Variants in OVCH1 observed in about 807,000 individuals in gnomAD.
The protein encoded by OVCH1 is ovochymase-1.
OVCH1 carries 139 observed loss-of-function variants against 138.4 expected under a neutral mutation model. The ratio of observed to expected loss-of-function variants is 1.00; its 90% confidence interval spans 0.87 to 1.16. The LOEUF (loss-of-function observed/expected upper bound fraction) is 1.16. OVCH1 is among the 50% of genes most tolerant of loss of function. OVCH1 has a pLI of 0.00. For missense variants in OVCH1, 1,367 were observed against 1,357.9 expected (o/e 1.01, Z -0.11); for synonymous variants, 453 against 467.8 (o/e 0.97, Z 0.41).
intron 15 of OVCH1, 99 bp downstream of exon 15, chr12:29,472,930 T>A: frequency 2.0e-6 from 2 of 1,006,508 alleles, no homozygotes; most frequent in Non-Finnish European, 2.9e-6. Flanking sequence ...TTCTTCACTG[T>A]GGAGTTATAG....
chr12:29,405,021 C>CAAAAAAAAAAAAAAAAAAAAAAAAAAAA, the OVCH1 span, among the ~76,000 whole-genome samples: 2 of 80,438 alleles, frequency 2.5e-5, no homozygotes, highest in Non-Finnish European at 4.3e-5. Flanking sequence ...CACTCCACCT[C>CAAAAAAAAAAAAAAAAAAAAAAAAAAAA]AAAAAAAAAA....
At chr12:29,492,386 C>T (rs564726017) in intron 4 of OVCH1, among the ~76,000 whole-genome samples, 1 of 151,602 alleles carries the variant, frequency 6.6e-6, no homozygotes, top group East Asian at 1.9e-4. Context: ...GAGGGTATGT[C>T]AGATAATAAT....
At chr12:29,413,631 A>G (rs959079703) in intron 3 of OVCH1, among the ~76,000 whole-genome samples, 20 of 151,272 alleles carry the variant, frequency 1.3e-4, no homozygotes, top group African/African-American at 4.4e-4. Context: ...TATATAAACA[A>G]TGTGCATTTA....
At chr12:29,477,722 G>T in intron 9 of OVCH1, 2 of 951,422 alleles carry the variant, frequency 2.1e-6, no homozygotes, top group Non-Finnish European at 3.1e-6. Context: ...TCAAAATTCA[G>T]CTCTCTGATA....
At position 29,462,028 on chromosome 12, in the gene OVCH1, A is replaced by C. The variant is rs1261983462; in HGVS notation, c.2126-20T>G. 6.2e-7 allele frequency: 1 copy of C among 1,606,632 alleles called. No individual in the cohort carries two copies. The highest frequency in any genetic ancestry group is 1.3e-5 in the African/African-American group (1 of 74,672). The stretch of plus-strand genomic sequence containing the variant: ...CACCATCTAATGAAGAAACATTCAG[A>C]GAGAGCTCGATGATGAAGTAAGCAG... On this transcript the variant is annotated intron_variant, in intron 18 of 27. Coordinates refer to ENST00000318184, the Ensembl canonical transcript of OVCH1.
At chr12:29,464,423 C>G (rs748857689) in intron 18 of OVCH1, 84 bp downstream of exon 18, 3 of 1,379,492 alleles carry the variant, frequency 2.2e-6, no homozygotes, top group Non-Finnish European at 3.0e-6. Context: ...GGGGCTGAAG[C>G]GGATGCTGCT....
At chr12:29,475,605 T>G (rs770272493) in intron 13 of OVCH1, among the ~76,000 whole-genome samples, 1 of 152,178 alleles carries the variant, frequency 6.6e-6, no homozygotes, top group African/African-American at 2.4e-5. Context: ...TGCAGAATTA[T>G]GGCATTGTGC....
At chr12:29,496,199 C>T in exon 3 of OVCH1, 1 of 1,607,944 alleles carries the variant, frequency 6.2e-7, no homozygotes. Flanking sequence ...GCTGTCCAGG[C>T]AGTGTGCTGC....
intron 26 of OVCH1, among the ~76,000 whole-genome samples, chr12:29,437,358 G>A (rs2135911358): frequency 6.6e-6 from 1 of 152,180 alleles, no homozygotes; most frequent in Non-Finnish European, 1.5e-5. Flanking sequence ...CTTATTTATT[G>A]TACTTAATAA....
At chr12:29,489,520 G>A in intron 6 of OVCH1, 100 bp downstream of exon 6, 2 of 1,299,176 alleles carry the variant, frequency 1.5e-6, no homozygotes, top group Non-Finnish European at 2.0e-6. Context: ...AAAGAATTTT[G>A]ACACAGTAAT....
At position 29,486,105 on chromosome 12, in the gene OVCH1, G is replaced by A. The variant is rs556039894; in HGVS notation, c.995+141C>T. On this transcript the variant is annotated intron_variant, in intron 8 of 27. Transcript: ENST00000318184. ...TCAGGTTTTAAATGTTGGAGCCTAT[G>A]TATGAATATGAGCAGGGCTTTTAAA... 4.0e-4 allele frequency: 292 copies of A among 736,968 alleles called. 4 individuals carry two copies. The South Asian group carries it at 4.9e-3, about 12-fold the overall frequency. The allele number at this position is 736,968 out of a possible 1,614,324, so 45.7% of individuals were successfully genotyped here.
chr12:29,458,013 G>GGCTAGAAGGCAAATCAATGTGGCT (rs1202269477), intron 19 of OVCH1, among the ~76,000 whole-genome samples: 3 of 152,150 alleles, frequency 2.0e-5, no homozygotes, highest in Admixed American at 6.5e-5. Context: ...TCAGTTGGAA[G>GGCTAGAAGGCAAATCAATGTGGCT]GCTAGAAGGC....
chr12:29,451,163 AATC>A (rs1023289727), intron 22 of OVCH1, among the ~76,000 whole-genome samples, 179 bp downstream of exon 22: 35 of 147,574 alleles, frequency 2.4e-4, no homozygotes, highest in Middle Eastern at 3.4e-3. Flanking sequence ...CTTAAAGTAT[AATC>A]ATAATAATAA....
downstream of OVCH1, among the ~76,000 whole-genome samples, chr12:29,424,846 A>G (rs1286810531): frequency 1.3e-5 from 2 of 152,236 alleles, no homozygotes. Context: ...TGGTATTTAC[A>G]AAGTATTATA....
chr12:29,496,330 A>C, intron 2 of OVCH1, 52 bp from the exon 3 acceptor site: 1 of 1,411,924 alleles, frequency 7.1e-7, no homozygotes, highest in Admixed American at 2.0e-5. Context: ...CCACATATGT[A>C]TCTCCATCGG....
intron 16 of OVCH1, among the ~76,000 whole-genome samples, chr12:29,469,132 A>G (rs1429277918): frequency 6.6e-6 from 1 of 152,186 alleles, no homozygotes; most frequent in Admixed American, 6.5e-5. Context: ...TTGTTTCCCA[A>G]AAGTAAGTAT....
intron 19 of OVCH1, among the ~76,000 whole-genome samples, chr12:29,456,628 T>C (rs1471563498): frequency 1.3e-5 from 2 of 152,218 alleles, no homozygotes; most frequent in Non-Finnish European, 2.9e-5. Flanking sequence ...ACTAACATCT[T>C]CTACATGTCT....
intron 14 of OVCH1, among the ~76,000 whole-genome samples, chr12:29,474,672 T>C (rs1442870368): frequency 6.6e-6 from 1 of 152,208 alleles, no homozygotes; most frequent in African/African-American, 2.4e-5. Flanking sequence ...TTTGTCTGAG[T>C]AGCACGTACT....
intron 7 of OVCH1, chr12:29,486,764 G>A: frequency 5.8e-6 from 2 of 343,400 alleles, no homozygotes; most frequent in South Asian, 4.6e-5. Flanking sequence ...CACTTATCAT[G>A]TTCTGGTGTT....
Sources: allele counts gnomAD v4.1 joint callset (sites outside exome capture counted in the v4.1 genomes callset), GRCh38; gene constraint gnomAD v4.1.1; transcripts MANE v1.5; gene names NCBI Gene and HGNC (gene_info 2026-07-23, HGNC 2026-07-21).